SMAP2: variants seen among roughly 807,000 people sequenced by gnomAD.
SMAP2 encodes small ArfGAP2.
SMAP2 carries 25 observed loss-of-function variants against 56.4 expected under a neutral mutation model. The observed-to-expected ratio is 0.44, with a 90% confidence interval of 0.32 to 0.62. SMAP2 has a LOEUF of 0.62. SMAP2 is among the 20% of genes least tolerant of loss of function. The pLI, the probability that SMAP2 is intolerant of heterozygous loss-of-function variation, is 0.04. For missense variants in SMAP2, 388 were observed against 545.6 expected (o/e 0.71, Z 2.88); for synonymous variants, 157 against 181.7 (o/e 0.86, Z 1.09).
chr1:40,379,129 G>A (rs1420171976), intron 1 of SMAP2, among the ~76,000 whole-genome samples: 4 of 151,576 alleles, frequency 2.6e-5, no homozygotes, highest in Non-Finnish European at 4.4e-5. Flanking sequence ...CCACCACCAC[G>A]CCCAGCTAAT....
chr1:40,413,718 C>T (rs1022063180), intron 5 of SMAP2, among the ~76,000 whole-genome samples: 1 of 152,194 alleles, frequency 6.6e-6, no homozygotes, highest in Admixed American at 6.5e-5. Context: ...GTGATACTGG[C>T]AGAGTGAATT....
chr1:40,351,695 G>T (rs1317159021), intron 1 of SMAP2, among the ~76,000 whole-genome samples: 1 of 152,082 alleles, frequency 6.6e-6, no homozygotes, highest in Non-Finnish European at 1.5e-5. Flanking sequence ...TAGAGATGGG[G>T]TTTTACCATT....
chr1:40,420,753 A>G (rs952150219), intron 9 of SMAP2, among the ~76,000 whole-genome samples: 2 of 152,228 alleles, frequency 1.3e-5, no homozygotes, highest in Non-Finnish European at 2.9e-5. Flanking sequence ...CCTCGATCCA[A>G]TTATGAGAAA....
intron 1 of SMAP2, among the ~76,000 whole-genome samples, chr1:40,346,971 T>G (rs968471139): frequency 2.6e-5 from 4 of 152,066 alleles, no homozygotes. Flanking sequence ...TGTCTCAACC[T>G]CCCGAAGTGC....
intron 1 of SMAP2, among the ~76,000 whole-genome samples, chr1:40,382,588 G>T (rs191479813): frequency 6.6e-6 from 1 of 152,136 alleles, no homozygotes; most frequent in Non-Finnish European, 1.5e-5. Flanking sequence ...TTCTGTATTG[G>T]CCCCTGGAAT....
At chr1:40,375,835 C>G (rs898758130) in intron 1 of SMAP2, 93 of 822,336 alleles carry the variant, frequency 1.1e-4, no homozygotes, top group Middle Eastern at 6.5e-4. Context: ...AACCCCCCCC[C>G]CCATTTCTCA....
chr1:40,422,264 C>A lies in SMAP2; in HGVS notation c.*163C>A. 1.1e-6 allele frequency: 1 copy of A among 884,418 alleles called. No homozygotes were observed. The highest frequency in any genetic ancestry group is 2.8e-5 in the East Asian group (1 of 36,208). 54.8% of individuals were successfully genotyped at this position (884,418 alleles called of 1,614,324 possible). On this transcript the variant is annotated 3_prime_UTR_variant, in exon 10 of 10. Coordinates refer to ENST00000372718, the MANE Select transcript of SMAP2 (RefSeq NM_022733.3). ...GCATCCTGCCCAGCCACTTCCCAAA[C>A]ATGAAGACCTCTCTGTTGCTTTATG...
Position 40,415,162 on chromosome 1 carries a change from G to A in SMAP2, c.572-110G>A, listed in dbSNP as rs1644974716. On this transcript the variant is annotated intron_variant, in intron 6 of 9. Coordinates refer to ENST00000372718, the MANE Select transcript of SMAP2 (RefSeq NM_022733.3). ...CATGCTAGATGGTTCCAGAAGTCTA[G>A]ATTTCTAGGTCCATGAGCTTATGGG... 6 of 792,610 alleles carry A rather than the reference G, an allele frequency of 7.6e-6. No homozygotes were observed. In the South Asian group the frequency reaches 8.3e-5, roughly 11 times the overall value. The allele number at this position is 792,610 out of a possible 1,614,324, so 49.1% of individuals were successfully genotyped here. A position where few individuals can be genotyped will look rare whatever the true frequency, so the allele number is the denominator to read the frequency against.
chr1:40,374,192 T>G lies in SMAP2; in HGVS notation c.72T>G (p.Asp24Glu). The change falls in exon 1 of 10, where the codon GAT becomes GAG. Residue 24 changes from aspartate to glutamate, a missense_variant. By Grantham distance (45) the Asp-to-Glu change is conservative (BLOSUM62 2). Coordinates refer to ENST00000372718, the MANE Select transcript of SMAP2 (RefSeq NM_022733.3). This position sits in a 1 kb window ranked among gnomAD's most constrained non-coding sequence, Gnocchi z 5.9. ...AVLANLLLEEDNKFCADCQSK... is the reference protein window; with the variant it reads ...AVLANLLLEEENKFCADCQSK... ...TGGCCAACCTGCTGCTGGAGGAGGATAACAAGTTTTGTGCAGATTGCCAGT... is the reference window on the plus strand; with the variant it reads ...TGGCCAACCTGCTGCTGGAGGAGGAGAACAAGTTTTGTGCAGATTGCCAGT... 1.2e-6 allele frequency: 2 copies of G among 1,613,486 alleles called. No homozygotes were observed. The highest frequency in any genetic ancestry group is 1.7e-6 in the Non-Finnish European group (2 of 1,179,760).
chr1:40,387,941 T>G (rs1408462089), intron 1 of SMAP2, among the ~76,000 whole-genome samples: 2 of 152,016 alleles, frequency 1.3e-5, no homozygotes, highest in East Asian at 3.9e-4. Context: ...GGCCCCGCAC[T>G]TGGAGCAGCC....
intron 1 of SMAP2, among the ~76,000 whole-genome samples, chr1:40,361,857 TTGA>T (rs1243319358): frequency 6.6e-6 from 1 of 152,146 alleles, no homozygotes; most frequent in Non-Finnish European, 1.5e-5. Flanking sequence ...GACTCCCGGC[TTGA>T]TTGTGCTGTC....
intron 3 of SMAP2, among the ~76,000 whole-genome samples, chr1:40,409,076 C>A (rs188121297): frequency 2.5e-3 from 384 of 152,268 alleles, no homozygotes; most frequent in African/African-American, 8.4e-3. Context: ...GCTCTGTTAA[C>A]CCTGGCAGTC....
intron 1 of SMAP2, chr1:40,393,327 C>A: frequency 1.3e-6 from 2 of 1,525,512 alleles, no homozygotes; most frequent in Non-Finnish European, 1.8e-6. Context: ...AAACAAAAAA[C>A]CCAACAACAG....
chr1:40,388,186 C>T (rs1644679382), intron 1 of SMAP2, among the ~76,000 whole-genome samples: 1 of 152,252 alleles, frequency 6.6e-6, no homozygotes, highest in Admixed American at 6.5e-5. Context: ...AGACCGCCCC[C>T]TGCTCCACGG....
chr1:40,348,060 G>A (rs750920842), intron 1 of SMAP2, among the ~76,000 whole-genome samples: 3 of 152,142 alleles, frequency 2.0e-5, no homozygotes, highest in South Asian at 2.1e-4. Context: ...ACTTCAGGAG[G>A]TCGAGGCAGG....
At chr1:40,359,168 T>C (rs1644449001) in intron 1 of SMAP2, among the ~76,000 whole-genome samples, 1 of 152,218 alleles carries the variant, frequency 6.6e-6, no homozygotes, top group African/African-American at 2.4e-5. Flanking sequence ...AGTGGCACAA[T>C]CTCAGCTCAC....
At chr1:40,376,140 A>G (rs1359894156) in intron 1 of SMAP2, among the ~76,000 whole-genome samples, 1 of 151,820 alleles carries the variant, frequency 6.6e-6, no homozygotes, top group Non-Finnish European at 1.5e-5. Context: ...TAGTAGAGAC[A>G]GGGTTTCACC....
chr1:40,409,472 A>G (rs1644915183), intron 3 of SMAP2, among the ~76,000 whole-genome samples: 1 of 152,268 alleles, frequency 6.6e-6, no homozygotes, highest in South Asian at 2.1e-4. Flanking sequence ...CCTATATTCT[A>G]GAACAGCCAC....
At chr1:40,400,083 C>A (rs925454900) in intron 1 of SMAP2, among the ~76,000 whole-genome samples, 2 of 152,134 alleles carry the variant, frequency 1.3e-5, no homozygotes, top group African/African-American at 4.8e-5. Flanking sequence ...CAGCTGAGAC[C>A]CTTGTGATGT....
Sources: allele counts gnomAD v4.1 joint callset (sites outside exome capture counted in the v4.1 genomes callset), GRCh38; gene constraint gnomAD v4.1.1; non-coding constraint Gnocchi (gnomAD v3.1); transcripts MANE v1.5; gene names NCBI Gene and HGNC (gene_info 2026-07-23, HGNC 2026-07-21).